The following ZFYVE9 variants were observed in gnomAD, a reference collection of about 807,000 sequenced individuals.
ZFYVE9 encodes zinc finger FYVE domain-containing protein 9.
A neutral mutation model predicts 126.7 loss-of-function variants in ZFYVE9; 43 were observed. The ratio of observed to expected loss-of-function variants is 0.34; its 90% CI spans 0.27 to 0.44. ZFYVE9 has a LOEUF of 0.44. Among genes scored for constraint, ZFYVE9 ranks in the 20% least tolerant of loss-of-function variants. ZFYVE9 has a pLI of 1.00. For synonymous variants in ZFYVE9, 521 were observed against 597.4 expected (o/e 0.87, Z 1.87); for missense variants, 1,476 against 1,697.0 (o/e 0.87, Z 2.29).
chr1:52,219,450 G>A (rs186548636), intron 2 of ZFYVE9, among the ~76,000 whole-genome samples: 109 of 152,110 alleles, frequency 7.2e-4, no homozygotes, highest in Non-Finnish European at 1.2e-3. Flanking sequence ...CGTTCAGATT[G>A]CTGTCTCAGT....
intron 4 of ZFYVE9, among the ~76,000 whole-genome samples, chr1:52,250,859 C>T (rs1246475894): frequency 2.6e-5 from 4 of 151,806 alleles, no homozygotes; most frequent in African/African-American, 9.7e-5. Context: ...AACAGGCGTG[C>T]ACTACCACAC....
chr1:52,329,733 G>A (rs565983291), intron 13 of ZFYVE9, among the ~76,000 whole-genome samples: 149 of 151,822 alleles, frequency 9.8e-4, no homozygotes, highest in African/African-American at 3.5e-3. Context: ...GTGAAATCCC[G>A]TCTCTACTAA....
chr1:52,257,328 C>T (rs1000908291), intron 4 of ZFYVE9, among the ~76,000 whole-genome samples: 2 of 152,082 alleles, frequency 1.3e-5, no homozygotes, highest in African/African-American at 4.8e-5. Context: ...GTGAGAAAAA[C>T]TAAGACCTAG....
Position 52,278,552 on chromosome 1 carries a change from G to C in ZFYVE9, c.2807G>C (p.Gly936Ala). ...GTAATGCAGCAGTTGGAGGATGGTGGCCCTGACCCACTTGTATTTGTTTTA... is the reference window on the plus strand; with the variant it reads ...GTAATGCAGCAGTTGGAGGATGGTGCCCCTGACCCACTTGTATTTGTTTTA... ...ISVMQQLEDG[G>A]PDPLVFVLNA... The change falls in exon 9 of 19, where the codon GGC becomes GCC. Residue 936 changes from glycine (G) to alanine (A), a missense_variant. Physicochemically the swap from Gly to Ala is moderately conservative, Grantham distance 60. This residue lies in a region of ZFYVE9 where 669 missense variants were observed against 902.4 expected (regional missense o/e 0.74). Coordinates refer to ENST00000287727, the MANE Select transcript of ZFYVE9 (RefSeq NM_004799.4). The C allele has an allele frequency of 6.2e-7, 1 of 1,611,394 alleles. No individual in the cohort carries two copies. Among genetic ancestry groups the C allele is most frequent in the Non-Finnish European group, 8.5e-7 (1 of 1,178,544 alleles).
At chr1:52,176,345 G>A (rs1056320484) in intron 1 of ZFYVE9, among the ~76,000 whole-genome samples, 4 of 152,164 alleles carry the variant, frequency 2.6e-5, no homozygotes, top group Non-Finnish European at 4.4e-5. Flanking sequence ...CTGCCTGATC[G>A]TTCCTCTGGA....
At chr1:52,316,597 TAAAG>T (rs1230111704) in intron 13 of ZFYVE9, among the ~76,000 whole-genome samples, 18 of 151,872 alleles carry the variant, frequency 1.2e-4, no homozygotes, top group Non-Finnish European at 1.5e-4. Context: ...CAACCAGGGA[TAAAG>T]AAATACATAC....
intron 8 of ZFYVE9, 131 bp downstream of exon 8, chr1:52,274,715 A>C: frequency 2.1e-6 from 2 of 959,602 alleles, no homozygotes; most frequent in South Asian, 3.2e-5. Context: ...CCCCAAAACT[A>C]TGAAAATGGT....
intron 10 of ZFYVE9, among the ~76,000 whole-genome samples, chr1:52,286,484 A>G (rs1645860680): frequency 6.6e-6 from 1 of 152,222 alleles, no homozygotes; most frequent in Non-Finnish European, 1.5e-5. Context: ...TGCATTCTGC[A>G]GTGGAGGGAA....
rs56300233 is a variant in ZFYVE9 at position 52,148,947 on chromosome 1, ATTTTTTT to A, written c.-143+6573_-143+6579del. On this transcript the variant is annotated intron_variant, in intron 1 of 18. Coordinates refer to ENST00000287727, the MANE Select transcript of ZFYVE9 (RefSeq NM_004799.4). ...AGCCACTGTTCCCAGCCTTAACATG[ATTTTTTT>A]TTTTTTTTTTTTTTTTTTTTTTTTT... Among the ~76,000 whole-genome samples, 10 of 34,252 alleles carry A rather than the reference ATTTTTTT, an allele frequency of 2.9e-4. No individual in the cohort carries two copies. The South Asian group carries it at 7.3e-3, about 25-fold the overall frequency. 22.5% of individuals were successfully genotyped at this position (34,252 alleles called of 152,430 possible).
intron 13 of ZFYVE9, among the ~76,000 whole-genome samples, chr1:52,312,485 C>G (rs1420290132): frequency 6.6e-6 from 1 of 152,164 alleles, no homozygotes; most frequent in African/African-American, 2.4e-5. Flanking sequence ...ACAGTCTTTG[C>G]AACAACCCAT....
chr1:52,291,355 G>A (rs1161260571), intron 10 of ZFYVE9, among the ~76,000 whole-genome samples: 1 of 152,182 alleles, frequency 6.6e-6, no homozygotes, highest in Admixed American at 6.6e-5. Flanking sequence ...AGAAAAGTAA[G>A]CATAAATTTC....
At chr1:52,343,421 G>A (rs1217097426) in intron 17 of ZFYVE9, among the ~76,000 whole-genome samples, 2 of 151,842 alleles carry the variant, frequency 1.3e-5, no homozygotes, top group African/African-American at 4.8e-5. Context: ...ACTCCAGCCT[G>A]GGCAATAGAG....
intron 1 of ZFYVE9, among the ~76,000 whole-genome samples, chr1:52,195,197 G>C (rs1163887510): frequency 1.3e-5 from 2 of 151,954 alleles, no homozygotes; most frequent in Non-Finnish European, 2.9e-5. Context: ...TTGCAAAACA[G>C]TGAGCACAGC....
At chr1:52,285,171 T>C (rs1045695567) in intron 10 of ZFYVE9, among the ~76,000 whole-genome samples, 2 of 152,206 alleles carry the variant, frequency 1.3e-5, no homozygotes, top group Non-Finnish European at 2.9e-5. Context: ...GTTGCCTCTG[T>C]GTACCATTAA....
chr1:52,336,159 G>C (rs1304752686), intron 15 of ZFYVE9, among the ~76,000 whole-genome samples: 5 of 151,752 alleles, frequency 3.3e-5, no homozygotes, highest in Admixed American at 2.0e-4. Context: ...TCCTTTCTTA[G>C]GGCTGGATTC....
At position 52,263,858 on chromosome 1, in the gene ZFYVE9, C is replaced by A; in HGVS notation, c.2264C>A (p.Ser755Ter). The A allele has an allele frequency of 6.4e-7, 1 of 1,553,208 alleles. No homozygotes were observed. The highest frequency in any genetic ancestry group is 1.1e-5 in the South Asian group (1 of 88,128). The change falls in exon 5 of 19, where the codon TCA becomes TAA. Residue 755 changes from serine to a stop codon, truncating the protein, a stop_gained. Coordinates refer to ENST00000287727, the MANE Select transcript of ZFYVE9 (RefSeq NM_004799.4). LOFTEE classifies it high-confidence loss of function. The stretch of plus-strand genomic sequence containing the variant: ...GCTAGAGTGTGTGTAATCTGCCATT[C>A]AGTGCTAATGAATGGTAAGTATTAA... ...KEARVCVICHSVLMNAQAWEN... is the reference protein window; with the variant it reads ...KEARVCVICH
chr1:52,298,895 C>T (rs373957303), intron 12 of ZFYVE9, among the ~76,000 whole-genome samples: 28 of 150,376 alleles, frequency 1.9e-4, no homozygotes, highest in Admixed American at 1.5e-3. Flanking sequence ...CTGCAAGCTC[C>T]GCCTCCCGGG....
intron 1 of ZFYVE9, among the ~76,000 whole-genome samples, chr1:52,205,684 T>C (rs1464416203): frequency 6.6e-6 from 1 of 152,172 alleles, no homozygotes; most frequent in Non-Finnish European, 1.5e-5. Flanking sequence ...CTCACTTCTT[T>C]TATGCATCTA....
At position 52,237,926 on chromosome 1, in the gene ZFYVE9, A is replaced by G. The variant is rs1190977190; in HGVS notation, c.509A>G (p.Asn170Ser). ...TTACAAAACGATTTACAGGATTGTA[A>G]TAATTATAATAGTCAATCCCTTATG... is the stretch of plus-strand genomic sequence containing the variant. The part of the protein sequence containing the change: ...RTLQNDLQDC[N>S]NYNSQSLMDA... Residue 170 changes from asparagine (N) to serine (S), a missense_variant, in exon 4 of 19, where the codon AAT (asparagine) becomes AGT (serine). This residue lies in a region of ZFYVE9 where 807 missense variants were observed against 794.6 expected (regional missense o/e 1.02). Coordinates refer to ENST00000287727, the MANE Select transcript of ZFYVE9 (RefSeq NM_004799.4). 2 of 1,614,050 alleles carry G rather than the reference A, an allele frequency of 1.2e-6. No individual in the cohort carries two copies. Among genetic ancestry groups the G allele is most frequent in the Admixed American group, 1.7e-5 (1 of 60,008 alleles).
Sources: allele counts gnomAD v4.1 joint callset (sites outside exome capture counted in the v4.1 genomes callset), GRCh38; gene constraint gnomAD v4.1.1; regional missense constraint gnomAD v4.1.1; transcripts MANE v1.5; gene names NCBI Gene and HGNC (gene_info 2026-07-23, HGNC 2026-07-21).